The following FAM83F variants were observed in gnomAD, a reference collection of about 807,000 sequenced individuals.
FAM83F encodes the protein scaffolding CK1 anchoring protein F, also known as protein FAM83F.
In FAM83F, 45 loss-of-function variants were observed where a neutral mutation model predicts 42.9. The observed-to-expected ratio is 1.05, with a 90% CI of 0.83 to 1.35. FAM83F has a LOEUF of 1.35. Among genes scored for constraint, FAM83F ranks in the 40% most tolerant of loss-of-function variants. The probability of loss-of-function intolerance (pLI) is 0.00; values close to 1 mark genes in which losing one functional copy is unlikely to be tolerated. For missense variants in FAM83F, 617 were observed against 695.9 expected (o/e 0.89, Z 1.28); for synonymous variants, 306 against 298.3 (o/e 1.03, Z -0.27).
intron 1 of FAM83F, among the ~76,000 whole-genome samples, chr22:40,016,870 G>T (rs1426800802): frequency 6.6e-6 from 1 of 151,238 alleles, no homozygotes; most frequent in African/African-American, 2.4e-5. Context: ...CACCATGTTG[G>T]CCAGGCTGGT....
intron 4 of FAM83F, among the ~76,000 whole-genome samples, chr22:40,026,591 CCCACGGTGTTGTGGGGG>C: frequency 6.6e-6 from 1 of 152,296 alleles, no homozygotes; most frequent in Non-Finnish European, 1.5e-5. Flanking sequence ...CCAGCCCTTT[CCCACGGTGTTGTGGGGG>C]CCGAGAGGAA....
chr22:39,995,010 C>A lies in FAM83F; in HGVS notation c.-33C>A. On this transcript the variant is annotated 5_prime_UTR_variant, in exon 1 of 5. Coordinates refer to ENST00000333407, the MANE Select transcript of FAM83F (RefSeq NM_138435.4). This position sits in a 1 kb window ranked among gnomAD's most constrained non-coding sequence, Gnocchi z 4.6. ...GTGGGACCTCGGACCGCGGCGGGGC[C>A]GGGGCCAGGGCCGGGGCCGGGGCCG... is the stretch of plus-strand genomic sequence containing the variant. The A allele has an allele frequency of 8.1e-7, 1 of 1,240,792 alleles. No homozygotes were observed. The highest frequency in any genetic ancestry group is 3.5e-5 in the South Asian group (1 of 28,452). 76.9% of individuals were successfully genotyped at this position (1,240,792 alleles called of 1,614,324 possible). A position where few individuals can be genotyped will look rare whatever the true frequency, so the allele number is the denominator to read the frequency against.
intron 1 of FAM83F, among the ~76,000 whole-genome samples, chr22:40,016,644 T>C (rs575321854): frequency 6.6e-6 from 1 of 152,202 alleles, no homozygotes; most frequent in South Asian, 2.1e-4. Flanking sequence ...TGCTATTTTA[T>C]TTTAATTTTA....
chr22:40,025,773 G>A (rs73165030), intron 4 of FAM83F, among the ~76,000 whole-genome samples: 4 of 152,256 alleles, frequency 2.6e-5, no homozygotes, highest in South Asian at 4.2e-4. Flanking sequence ...CACTGGGCAG[G>A]GCTTAGGAAT....
At chr22:40,017,217 A>G (rs1244732526) in intron 1 of FAM83F, among the ~76,000 whole-genome samples, 1 of 146,380 alleles carries the variant, frequency 6.8e-6, no homozygotes. Flanking sequence ...TGCTGCTCTC[A>G]GCACTTTCTT....
chr22:39,996,788 C>T (rs996496170), intron 1 of FAM83F, among the ~76,000 whole-genome samples: 6 of 152,174 alleles, frequency 3.9e-5, no homozygotes, highest in South Asian at 2.1e-4. Context: ...CTTTCCACTG[C>T]GCACATTTCT....
At position 40,021,608 on chromosome 22, in the gene FAM83F, G is replaced by A. The variant is rs756679205; in HGVS notation, c.1098G>A (p.Glu366=). Residue 366 remains glutamate (E), a synonymous_variant, in exon 4 of 5, where the codon GAG becomes GAA. Coordinates refer to ENST00000333407, the MANE Select transcript of FAM83F (RefSeq NM_138435.4). The surrounding 1 kb of genome is among the most constrained non-coding windows in gnomAD (Gnocchi z 8.7). ...EGQEEGASGG[E]SAWRLESFLK... Reference sequence around the variant, plus strand: ...AGGAGGAGGGCGCCAGCGGTGGCGAGTCGGCCTGGCGCCTGGAGAGCTTCC... The same window carrying A: ...AGGAGGAGGGCGCCAGCGGTGGCGAATCGGCCTGGCGCCTGGAGAGCTTCC... The A allele has an allele frequency of 1.3e-6, 2 of 1,582,964 alleles. No homozygotes were observed. Among genetic ancestry groups the A allele is most frequent in the Non-Finnish European group, 1.7e-6 (2 of 1,159,578 alleles).
intron 1 of FAM83F, among the ~76,000 whole-genome samples, chr22:40,003,887 G>A (rs940666334): frequency 2.0e-5 from 3 of 152,064 alleles, no homozygotes; most frequent in Admixed American, 6.6e-5. Context: ...GGGAGGCTCC[G>A]GATAAGTGTT....
intron 1 of FAM83F, among the ~76,000 whole-genome samples, chr22:40,003,782 G>A (rs2067413626): frequency 6.6e-6 from 1 of 152,124 alleles, no homozygotes; most frequent in African/African-American, 2.4e-5. Context: ...CTCTGGCCCA[G>A]GTTTCCAATA....
chr22:39,996,961 A>T (rs2145705164), intron 1 of FAM83F, among the ~76,000 whole-genome samples: 1 of 152,352 alleles, frequency 6.6e-6, no homozygotes, highest in South Asian at 2.1e-4. Context: ...ATGTCATACT[A>T]ACAAAGCCTC....
At chr22:40,028,577 C>T (rs748795325) in intron 4 of FAM83F, among the ~76,000 whole-genome samples, 15 of 152,178 alleles carry the variant, frequency 9.9e-5, no homozygotes, top group Non-Finnish European at 1.6e-4. Flanking sequence ...TGCCTCGCTA[C>T]TCCCCTGCAC....
intron 4 of FAM83F, among the ~76,000 whole-genome samples, chr22:40,025,628 A>T (rs2067547577): frequency 6.6e-6 from 1 of 152,070 alleles, no homozygotes; most frequent in African/African-American, 2.4e-5. Flanking sequence ...CAGGAGAATC[A>T]CTTGAACCCA....
intron 4 of FAM83F, among the ~76,000 whole-genome samples, chr22:40,026,666 G>T (rs2067554859): frequency 2.0e-5 from 3 of 152,156 alleles, no homozygotes; most frequent in Admixed American, 2.0e-4. Flanking sequence ...GTCCTTTCCT[G>T]CCCCAGAGTC....
chr22:39,995,390 G>T lies in FAM83F; in HGVS notation c.348G>T (p.Val116=), dbSNP rs1211625364. The T allele has an allele frequency of 6.5e-7, 1 of 1,547,822 alleles. No individual in the cohort carries two copies. Among genetic ancestry groups the T allele is most frequent in the East Asian group, 2.4e-5 (1 of 40,896 alleles). Residue 116 remains valine, a synonymous_variant, in exon 1 of 5, where the codon GTG becomes GTT. Transcript: ENST00000333407. The surrounding 1 kb of genome is among the most constrained non-coding windows in gnomAD (Gnocchi z 4.6). ...AYWPDRSDTE[V]PPLDLGWTDT... ...GGCCCGACCGTTCCGACACCGAGGT[G>T]CCTCCTCTGGACCTGGGCTGGACGG...
rs1452794095 is a variant in FAM83F at position 40,039,918 on chromosome 22, C to G, written c.*10353C>G. ...TTTCAGTAGAGTTAGGGCTAGAAGCCAGGTTCAGAGAGAGAAAACGAGAGA... is the reference window on the plus strand; with the variant it reads ...TTTCAGTAGAGTTAGGGCTAGAAGCGAGGTTCAGAGAGAGAAAACGAGAGA... On this transcript the variant is annotated 3_prime_UTR_variant, in exon 5 of 5. Transcript: ENST00000333407. The G allele has an allele frequency of 1.3e-5, 2 of 152,194 alleles. No individual in the cohort carries two copies. The highest frequency in any genetic ancestry group is 4.8e-5 in the African/African-American group (2 of 41,428). The allele number at this position is 152,194 out of a possible 1,614,324, so 9.4% of individuals were successfully genotyped here.
chr22:40,001,376 G>A (rs1023306169), intron 1 of FAM83F, among the ~76,000 whole-genome samples: 6 of 152,122 alleles, frequency 3.9e-5, no homozygotes, highest in African/African-American at 1.2e-4. Context: ...GGGGCATGGC[G>A]GCTCATGTCC....
At position 40,034,756 on chromosome 22, in the gene FAM83F, T is replaced by C. The variant is rs553449522; in HGVS notation, c.*5191T>C. 8.4e-4 allele frequency: 128 copies of C among 152,366 alleles called. No individual in the cohort carries two copies. The highest frequency in any genetic ancestry group is 3.4e-3 in the Middle Eastern group (1 of 294). 9.4% of individuals were successfully genotyped at this position (152,366 alleles called of 1,614,324 possible). On this transcript the variant is annotated 3_prime_UTR_variant, in exon 5 of 5. Transcript: ENST00000333407. Reference sequence around the variant, plus strand: ...AGGATGTGTCATAGAGGTTCTAGAATTGATCATGACCCTTTCTGTCTCATT... The same window carrying C: ...AGGATGTGTCATAGAGGTTCTAGAACTGATCATGACCCTTTCTGTCTCATT...
intron 4 of FAM83F, among the ~76,000 whole-genome samples, chr22:40,028,970 C>T (rs923974062): frequency 1.3e-5 from 2 of 152,108 alleles, no homozygotes; most frequent in African/African-American, 4.8e-5. Flanking sequence ...GGCACCTCAG[C>T]GGTAGAATGC....
In FAM83F at chr22:40,020,022, G is replaced by A; in HGVS notation, c.779+14G>A. 1 of 1,606,174 alleles carries A rather than the reference G, an allele frequency of 6.2e-7. No homozygotes were observed. The highest frequency in any genetic ancestry group is 8.5e-7 in the Non-Finnish European group (1 of 1,176,938). Reference sequence around the variant, plus strand: ...TGGATCTTACAGGTGAGTTGGGCCGGATCAAAGAAGGGCCCAGGAGGCCTT... The same window carrying A: ...TGGATCTTACAGGTGAGTTGGGCCGAATCAAAGAAGGGCCCAGGAGGCCTT... On this transcript the variant is annotated intron_variant, in intron 3 of 4. Transcript: ENST00000333407.
Sources: gnomAD v4.1 joint callset for allele counts (sites outside exome capture counted in the v4.1 genomes callset) on GRCh38, gnomAD v4.1.1 for gene constraint, Gnocchi (gnomAD v3.1) non-coding constraint, MANE v1.5 for transcripts, NCBI Gene and HGNC (gene_info 2026-07-23, HGNC 2026-07-21) for gene names.